MARCHF4: variants seen among roughly 807,000 people sequenced by gnomAD.
The protein encoded by MARCHF4 is E3 ubiquitin-protein ligase MARCHF4.
A neutral mutation model predicts 43.9 loss-of-function variants in MARCHF4; 14 were observed. The ratio of observed to expected loss-of-function variants is 0.32; its 90% CI spans 0.21 to 0.50. The LOEUF is 0.50. MARCHF4 is among the 20% of genes least tolerant of loss of function. The probability of loss-of-function intolerance (pLI) is 0.98; values close to 1 mark genes in which losing one functional copy is unlikely to be tolerated. For synonymous variants in MARCHF4, 226 were observed against 213.3 expected, an observed-to-expected ratio of 1.06 and a Z score of -0.52; for missense variants, 468 against 536.7, an observed-to-expected ratio of 0.87 and a Z score of 1.27.
intron 1 of MARCHF4, among the ~76,000 whole-genome samples, chr2:216,312,519 G>C (rs987180089): frequency 2.0e-5 from 3 of 152,130 alleles, no homozygotes; most frequent in African/African-American, 7.2e-5. Flanking sequence ...CAGTGTATAA[G>C]CATTCCCTTT....
At position 216,336,836 on chromosome 2, in the gene MARCHF4, A is replaced by T. The variant is rs115728339; in HGVS notation, c.516+32909T>A. On this transcript the variant is annotated intron_variant, in intron 1 of 3. Coordinates refer to ENST00000273067, the MANE Select transcript of MARCHF4 (RefSeq NM_020814.3). The stretch of plus-strand genomic sequence containing the variant: ...AAATGTGAATGGGATTCATTGACCA[A>T]CAATTCTGCTTCAAATAAATTATTT... Among the ~76,000 whole-genome samples, 749 of 151,560 alleles carry T rather than the reference A, an allele frequency of 4.9e-3. 8 individuals carry two copies. The highest frequency in any genetic ancestry group is 0.017 in the African/African-American group (711 of 41,390).
At chr2:216,324,951 G>C (rs1344178204) in intron 1 of MARCHF4, among the ~76,000 whole-genome samples, 1 of 150,956 alleles carries the variant, frequency 6.6e-6, no homozygotes, top group Admixed American at 6.6e-5. Context: ...CATAGTGTTG[G>C]AAGTTCTGGC....
chr2:216,260,756 G>C (rs559190586), intron 3 of MARCHF4, among the ~76,000 whole-genome samples: 21 of 152,176 alleles, frequency 1.4e-4, no homozygotes, highest in Non-Finnish European at 2.4e-4. Flanking sequence ...GTTTCAGTAG[G>C]GGGAATGATG....
At chr2:216,290,342 C>T (rs1217688358) in intron 1 of MARCHF4, among the ~76,000 whole-genome samples, 1 of 152,066 alleles carries the variant, frequency 6.6e-6, no homozygotes, top group African/African-American at 2.4e-5. Context: ...AGTGCAAAGG[C>T]CCTGAGGCAG....
chr2:216,338,298 C>T (rs553267141), intron 1 of MARCHF4, among the ~76,000 whole-genome samples: 25 of 149,818 alleles, frequency 1.7e-4, no homozygotes, highest in Admixed American at 4.0e-4. Flanking sequence ...TCCCAGAGCA[C>T]TGACCCCGGC....
chr2:216,280,119 G>A (rs1691104480), intron 2 of MARCHF4, among the ~76,000 whole-genome samples: 2 of 152,042 alleles, frequency 1.3e-5, no homozygotes, highest in African/African-American at 4.8e-5. Context: ...TATGGACAAG[G>A]CACTCTCCTC....
intron 1 of MARCHF4, among the ~76,000 whole-genome samples, chr2:216,345,535 C>A (rs1448444752): frequency 6.6e-6 from 1 of 152,154 alleles, no homozygotes; most frequent in Non-Finnish European, 1.5e-5. Flanking sequence ...ACCCTGTCTG[C>A]ACATTGGAAT....
chr2:216,300,348 A>AAACATATATATACGTATATATATG (rs1463914310), intron 1 of MARCHF4, among the ~76,000 whole-genome samples: 1 of 120,578 alleles, frequency 8.3e-6, no homozygotes, highest in African/African-American at 2.9e-5. Context: ...ATATATATAT[A>AAACATATATATACGTATATATATG]TGTATATATA....
In MARCHF4 at chr2:216,370,163, C is replaced by CCTGGCACTTGAG; in HGVS notation, c.97_98insCTCAAGTGCCAG (p.Arg33delinsProGlnValProGly). Reference sequence around the variant, plus strand: ...GCGGCACTTGAGGAGACCCTGGTGGCGCAACATCTGGGGGGCTGGGGCACA... The same window carrying CCTGGCACTTGAG: ...GCGGCACTTGAGGAGACCCTGGTGGCCTGGCACTTGAGGCAACATCTGGGGGGCTGGGGCACA... On this transcript the variant is annotated protein_altering_variant, in exon 1 of 4. Transcript: ENST00000273067. 2 of 1,610,860 alleles carry CCTGGCACTTGAG rather than the reference C, an allele frequency of 1.2e-6. No individual in the cohort carries two copies. The highest frequency in any genetic ancestry group is 1.7e-6 in the Non-Finnish European group (2 of 1,178,816).
chr2:216,273,666 A>G (rs1042487893), intron 3 of MARCHF4, among the ~76,000 whole-genome samples: 4 of 151,870 alleles, frequency 2.6e-5, no homozygotes, highest in African/African-American at 7.3e-5. Flanking sequence ...CCCCTTTTTC[A>G]TGGAAGCAAA....
chr2:216,274,221 A>G (rs1296385619), intron 3 of MARCHF4, among the ~76,000 whole-genome samples: 1 of 152,132 alleles, frequency 6.6e-6, no homozygotes, highest in Non-Finnish European at 1.5e-5. Context: ...GGGAGCCAAG[A>G]GAATAGCTAG....
rs1209830191 is a variant in MARCHF4 at position 216,259,246 on chromosome 2, C to T, written c.*66G>A. 1 of 1,496,456 alleles carries T rather than the reference C, an allele frequency of 6.7e-7. No individual in the cohort carries two copies. The highest frequency in any genetic ancestry group is 1.4e-5 in the African/African-American group (1 of 71,618). 92.7% of individuals were successfully genotyped at this position (1,496,456 alleles called of 1,614,324 possible). A position where few individuals can be genotyped will look rare whatever the true frequency, so the allele number is the denominator to read the frequency against. On this transcript the variant is annotated 3_prime_UTR_variant, in exon 4 of 4. Coordinates refer to ENST00000273067, the MANE Select transcript of MARCHF4 (RefSeq NM_020814.3). Reference sequence around the variant, plus strand: ...CCCTCTGTTGGCTCTGGGGGTGCCACTGCACCTCCCCACCCTGCTCCGGGC... The same window carrying T: ...CCCTCTGTTGGCTCTGGGGGTGCCATTGCACCTCCCCACCCTGCTCCGGGC...
chr2:216,321,576 T>C (rs1574476561), intron 1 of MARCHF4: 1 of 152,250 alleles, frequency 6.6e-6, no homozygotes, highest in South Asian at 2.1e-4. Context: ...CAGCTTGCCA[T>C]AGCGGAAACC....
At chr2:216,333,090 T>C (rs1174270612) in intron 1 of MARCHF4, among the ~76,000 whole-genome samples, 1 of 152,238 alleles carries the variant, frequency 6.6e-6, no homozygotes, top group African/African-American at 2.4e-5. Flanking sequence ...TCATGATCTT[T>C]GGGACAGGCA....
chr2:216,308,811 A>G (rs1473764772), intron 1 of MARCHF4, among the ~76,000 whole-genome samples: 2 of 152,202 alleles, frequency 1.3e-5, no homozygotes, highest in Non-Finnish European at 2.9e-5. Context: ...CCAGCTGTGA[A>G]TCCTCCAGGG....
In MARCHF4 at chr2:216,268,543, C is replaced by T. The variant is rs368688215; in HGVS notation, c.866-8864G>A. On this transcript the variant is annotated intron_variant, in intron 3 of 3. Transcript: ENST00000273067. ...CTCCTGCTGCCTTGTGAAGAAGGTG[C>T]CTCCTTCCACTTCTGCCATGATTGT... Among the ~76,000 whole-genome samples the T allele has an allele frequency of 5.3e-4, 80 of 152,296 alleles. 1 individual carries two copies. In the East Asian group the frequency reaches 0.014, roughly 27 times the overall value.
At chr2:216,294,824 A>G (rs1691363544) in intron 1 of MARCHF4, among the ~76,000 whole-genome samples, 2 of 152,230 alleles carry the variant, frequency 1.3e-5, no homozygotes, top group Non-Finnish European at 2.9e-5. Context: ...AGATAAAAAT[A>G]AATACTAATA....
intron 1 of MARCHF4, among the ~76,000 whole-genome samples, chr2:216,308,409 G>C (rs536969005): frequency 6.6e-6 from 1 of 152,118 alleles, no homozygotes; most frequent in East Asian, 1.9e-4. Flanking sequence ...CTCTCAAAAA[G>C]AGAAAAGAAA....
At chr2:216,293,497 C>T (rs1393171309) in intron 1 of MARCHF4, among the ~76,000 whole-genome samples, 1 of 151,610 alleles carries the variant, frequency 6.6e-6, no homozygotes, top group Non-Finnish European at 1.5e-5. Flanking sequence ...TTCACACAAA[C>T]ACACATACAC....
Sources: gnomAD v4.1 joint callset for allele counts (sites outside exome capture counted in the v4.1 genomes callset) on GRCh38, gnomAD v4.1.1 for gene constraint, MANE v1.5 for transcripts, NCBI Gene and HGNC (gene_info 2026-07-23, HGNC 2026-07-21) for gene names.